Variants in EPG5 observed in about 807,000 individuals in gnomAD.
EPG5 encodes ectopic P-granules 5 autophagy tethering factor.
EPG5 carries 159 observed loss-of-function variants against 302.7 expected under a neutral mutation model. The ratio of observed to expected loss-of-function variants is 0.53; its 90% CI spans 0.46 to 0.60. The LOEUF is 0.60. Among genes scored for constraint, EPG5 ranks in the 20% least tolerant of loss-of-function variants. EPG5 has a pLI of 0.00. For synonymous variants in EPG5, 1,158 were observed against 1,136.8 expected (o/e 1.02, Z -0.37); for missense variants, 2,896 against 3,092.4 (o/e 0.94, Z 1.51).
the EPG5 span, among the ~76,000 whole-genome samples, chr18:45,836,483 C>T: frequency 5.9e-5 from 9 of 152,076 alleles, no homozygotes; most frequent in African/African-American, 1.9e-4. Flanking sequence ...CTCTGAGGCG[C>T]GCTCCCCTCT....
chr18:45,806,406 T>C, the EPG5 span, among the ~76,000 whole-genome samples: 4 of 152,190 alleles, frequency 2.6e-5, no homozygotes, highest in Non-Finnish European at 5.9e-5. Flanking sequence ...GCTTGCATCA[T>C]GAATTTTTGC....
Position 45,899,339 on chromosome 18 carries a change from T to C in EPG5, c.4809+65A>G, listed in dbSNP as rs371583823. 5,015 of 1,580,768 alleles carry C rather than the reference T, an allele frequency of 3.2e-3. 21 individuals carry two copies. Among genetic ancestry groups the C allele is most frequent in the Non-Finnish European group, 3.4e-3 (3,945 of 1,152,114 alleles). Reference sequence around the variant, plus strand: ...TATATATGTCTTTCAATCTTTCTCATTGATAAGCCAACATTACGGACTCAA... The same window carrying C: ...TATATATGTCTTTCAATCTTTCTCACTGATAAGCCAACATTACGGACTCAA... On this transcript the variant is annotated intron_variant, in intron 27 of 43. Transcript: ENST00000282041.
At chr18:45,931,401 T>C (rs969424493) in intron 11 of EPG5, among the ~76,000 whole-genome samples, 5 of 152,248 alleles carry the variant, frequency 3.3e-5, no homozygotes, top group Non-Finnish European at 5.9e-5. Context: ...ATAAATGTGA[T>C]ATGTTTTGCC....
At chr18:45,935,019 A>G in intron 10 of EPG5, 53 bp from the exon 11 acceptor site, 3 of 1,516,740 alleles carry the variant, frequency 2.0e-6, no homozygotes, top group South Asian at 2.5e-5. Context: ...TTACACTAAG[A>G]AAGTAGACAA....
chr18:45,858,212 T>G, intron 41 of EPG5, 144 bp from the exon 42 acceptor site: 1 of 656,712 alleles, frequency 1.5e-6, no homozygotes, highest in East Asian at 2.7e-5. Flanking sequence ...AATAGAGCCA[T>G]GGGATTGTAA....
At position 45,893,421 on chromosome 18, in the gene EPG5, T is replaced by G. The variant is rs2049395335; in HGVS notation, c.4810-3481A>C. Among the ~76,000 whole-genome samples, 3 of 151,918 alleles carry G rather than the reference T, an allele frequency of 2.0e-5. No homozygotes were observed. The South Asian group carries it at 6.2e-4, about 32-fold the overall frequency. On this transcript the variant is annotated intron_variant, in intron 27 of 43. Transcript: ENST00000282041. Reference sequence around the variant, plus strand: ...CTCTACTAAAAATACAAAAATTAGCTGGGCATGGTGTTGTGACCCTGTAGT... The same window carrying G: ...CTCTACTAAAAATACAAAAATTAGCGGGGCATGGTGTTGTGACCCTGTAGT...
At chr18:45,914,413 A>G (rs1046082947) in intron 20 of EPG5, among the ~76,000 whole-genome samples, 18 of 152,246 alleles carry the variant, frequency 1.2e-4, no homozygotes, top group Non-Finnish European at 2.6e-4. Context: ...AGTAAGACAA[A>G]TAAGAGGTTG....
At chr18:45,885,405 T>C (rs746268416) in intron 29 of EPG5, among the ~76,000 whole-genome samples, 1 of 152,012 alleles carries the variant, frequency 6.6e-6, no homozygotes, top group African/African-American at 2.4e-5. Flanking sequence ...AATATTGGGG[T>C]ACTTTGAATC....
rs1342520686 is a variant in EPG5, at chr18:45,939,750, G to A, written c.1949C>T (p.Thr650Ile). Residue 650 changes from threonine (T) to isoleucine (I), a missense_variant, in exon 10 of 44, where the codon ACT becomes ATT. Physicochemically the swap from Thr to Ile is moderately conservative, Grantham distance 89. Transcript: ENST00000282041. ...VKRIGYMIRM[T>I]LGYVSDHWAQ... ...CCAATGGTCACTTACATAACCAAGA[G>A]TCATCCTGAGCATGAGGAAAGATAA... is the stretch of plus-strand genomic sequence containing the variant. 15 of 1,613,246 alleles carry A rather than the reference G, an allele frequency of 9.3e-6. No individual in the cohort carries two copies. Among genetic ancestry groups the A allele is most frequent in the Non-Finnish European group, 1.2e-5 (14 of 1,179,884 alleles).
chr18:45,937,235 T>TATACACAC (rs1485101696), intron 10 of EPG5, among the ~76,000 whole-genome samples: 3 of 136,822 alleles, frequency 2.2e-5, no homozygotes, highest in African/African-American at 8.2e-5. Flanking sequence ...TACATATATA[T>TATACACAC]ACACACACAC....
At position 45,870,590 on chromosome 18, in the gene EPG5, T is replaced by G. The variant is rs1281608789; in HGVS notation, c.6202A>C (p.Met2068Leu). The G allele has an allele frequency of 1.2e-6, 2 of 1,613,536 alleles. No individual in the cohort carries two copies. Among genetic ancestry groups the G allele is most frequent in the South Asian group, 2.2e-5 (2 of 91,042 alleles). The stretch of plus-strand genomic sequence containing the variant: ...ACTTTGAAGAAGGCCTCCATGAGCA[T>G]CTGGTCAGGGTGCAGGTCCTTCCAT... ...LPWKDLHPDQ[M>L]LMEAFFKVER... Residue 2068 changes from methionine (M) to leucine (L), a missense_variant, in exon 36 of 44, where the codon ATG becomes CTG. Physicochemically the swap from Met to Leu is conservative, Grantham distance 15 (BLOSUM62 2). Coordinates refer to ENST00000282041, the MANE Select transcript of EPG5 (RefSeq NM_020964.3).
In EPG5 at chr18:45,848,932, C is replaced by G. The variant is rs557679155; in HGVS notation, c.*3535G>C. 1 of 152,074 alleles carries G rather than the reference C, an allele frequency of 6.6e-6. No homozygotes were observed. The highest frequency in any genetic ancestry group is 6.6e-5 in the Admixed American group (1 of 15,266). 9.4% of individuals were successfully genotyped at this position (152,074 alleles called of 1,614,324 possible). On this transcript the variant is annotated 3_prime_UTR_variant, in exon 44 of 44. Coordinates refer to ENST00000282041, the MANE Select transcript of EPG5 (RefSeq NM_020964.3). Reference sequence around the variant, plus strand: ...GAAACCCTGTCTCTACTAAAAAATACAAAAATTAGCCGGGCGTGGTGGCAT... The same window carrying G: ...GAAACCCTGTCTCTACTAAAAAATAGAAAAATTAGCCGGGCGTGGTGGCAT...
the EPG5 span, among the ~76,000 whole-genome samples, chr18:45,815,524 T>G: frequency 6.6e-6 from 1 of 151,974 alleles, no homozygotes; most frequent in Non-Finnish European, 1.5e-5. Flanking sequence ...AATCAAGAAC[T>G]CAACCCTTTC....
chr18:45,904,435 A>G (rs1568138574), intron 24 of EPG5, among the ~76,000 whole-genome samples: 1 of 152,220 alleles, frequency 6.6e-6, no homozygotes, highest in Non-Finnish European at 1.5e-5. Flanking sequence ...AGCAAATGTT[A>G]AAGAGGTAAA....
Position 45,955,032 on chromosome 18 carries a change from G to C in EPG5, c.370C>G (p.Pro124Ala). The C allele has an allele frequency of 6.2e-7, 1 of 1,614,062 alleles. No individual in the cohort carries two copies. Among genetic ancestry groups the C allele is most frequent in the Non-Finnish European group, 8.5e-7 (1 of 1,180,010 alleles). ...ACTTTAGTTCCAACATTGTCTCCAG[G>C]GTGGACCTTTGGAGTGACTGCACTG... is the stretch of plus-strand genomic sequence containing the variant. Reference protein sequence around the residue: ...GDSAVTPKVHPGDNVGTKVET... With the variant: ...GDSAVTPKVHAGDNVGTKVET... Residue 124 changes from proline (P) to alanine (A), a missense_variant, in exon 2 of 44, where the codon CCT (proline) becomes GCT (alanine). Pro to Ala is a conservative substitution (Grantham distance 27). Around this residue, in one of 5 missense-constraint regions of EPG5, gnomAD observed 1,390 missense variants for 1,430.0 expected, o/e 0.97. Transcript: ENST00000282041.
intron 29 of EPG5, among the ~76,000 whole-genome samples, chr18:45,887,192 T>C (rs1212651035): frequency 6.6e-6 from 1 of 152,186 alleles, no homozygotes; most frequent in Non-Finnish European, 1.5e-5. Context: ...TAAATATCTA[T>C]CTATGTCACT....
In EPG5 at chr18:45,852,489, T is replaced by C. The variant is rs1333857609; in HGVS notation, c.7718A>G (p.His2573Arg). The change falls in exon 44 of 44, where the codon CAT becomes CGT. Residue 2573 changes from histidine to arginine, a missense_variant. His to Arg is a conservative substitution (Grantham distance 29, BLOSUM62 0). This residue lies in a region of EPG5 where 620 missense variants were observed against 704.2 expected (regional missense o/e 0.88). Coordinates refer to ENST00000282041, the MANE Select transcript of EPG5 (RefSeq NM_020964.3). ...LLVNCLYPEV[H>R]YLDHIR ...TAACTATCGTATGTGGTCCAAATAA[T>C]GCACTTCTGGATACAGACAGTTAAC... 5 of 1,614,068 alleles carry C rather than the reference T, an allele frequency of 3.1e-6. No individual in the cohort carries two copies. The highest frequency in any genetic ancestry group is 3.4e-6 in the Non-Finnish European group (4 of 1,180,040).
chr18:45,944,699 G>A lies in EPG5; in HGVS notation c.1678-580C>T, dbSNP rs568804461. ...GAACCTGGGAGTCGGAGGTTGCAGT[G>A]AGCCGAGATCACACCATTGCACTCC... On this transcript the variant is annotated intron_variant, in intron 7 of 43. Coordinates refer to ENST00000282041, the MANE Select transcript of EPG5 (RefSeq NM_020964.3). Among the ~76,000 whole-genome samples the A allele has an allele frequency of 9.3e-5, 14 of 150,304 alleles. No individual in the cohort carries two copies. The South Asian group carries it at 3.0e-3, about 32-fold the overall frequency.
chr18:45,910,394 C>G, intron 23 of EPG5, 127 bp downstream of exon 23: 1 of 670,112 alleles, frequency 1.5e-6, no homozygotes, highest in Admixed American at 3.0e-5. Context: ...TATATCAAAG[C>G]CACCTTCCAT....
Sources: allele counts gnomAD v4.1 joint callset (sites outside exome capture counted in the v4.1 genomes callset), GRCh38; gene constraint gnomAD v4.1.1; regional missense constraint gnomAD v4.1.1; transcripts MANE v1.5; gene names NCBI Gene and HGNC (gene_info 2026-07-23, HGNC 2026-07-21).